The following RABGEF1 variants were observed in gnomAD, a reference collection of about 807,000 sequenced individuals.
RABGEF1 encodes RAB guanine nucleotide exchange factor 1.
In RABGEF1, 26 loss-of-function variants were observed where a neutral mutation model predicts 57.3. The observed-to-expected ratio is 0.45, with a 90% confidence interval of 0.33 to 0.63. The LOEUF (loss-of-function observed/expected upper bound fraction) is 0.63. RABGEF1 is among the 20% of genes least tolerant of loss of function. RABGEF1 has a pLI of 0.02. For synonymous variants in RABGEF1, 185 were observed against 210.7 expected (o/e 0.88, Z 1.06); for missense variants, 464 against 607.6 (o/e 0.76, Z 2.48).
chr7:66,763,501 C>T (rs1255098854), intron 1 of RABGEF1, among the ~76,000 whole-genome samples: 1 of 152,206 alleles, frequency 6.6e-6, no homozygotes, highest in Non-Finnish European at 1.5e-5. Context: ...TCTGTCTCTT[C>T]TGTTTTTTAA....
intron 4 of RABGEF1, among the ~76,000 whole-genome samples, chr7:66,789,076 G>A (rs1811930486): frequency 6.6e-6 from 1 of 152,168 alleles, no homozygotes; most frequent in Non-Finnish European, 1.5e-5. Flanking sequence ...TCAGTCCCAT[G>A]TTCTTTCCCA....
chr7:66,705,463 G>T (rs1793907619), intron 1 of RABGEF1, among the ~76,000 whole-genome samples: 1 of 140,442 alleles, frequency 7.1e-6, no homozygotes, highest in African/African-American at 2.6e-5. Context: ...GAGAGAGAGA[G>T]AGAGAGAGAG....
upstream of RABGEF1, among the ~76,000 whole-genome samples, chr7:66,736,110 AC>A (rs1182264609): frequency 6.6e-6 from 1 of 152,182 alleles, no homozygotes; most frequent in Non-Finnish European, 1.5e-5. Context: ...AAAAAACAAG[AC>A]AAAAAACAAA....
the RABGEF1 span, among the ~76,000 whole-genome samples, chr7:66,659,859 CA>C: frequency 6.6e-6 from 1 of 151,202 alleles, no homozygotes; most frequent in Non-Finnish European, 1.5e-5. Flanking sequence ...AAAGGACCTA[CA>C]AAAAGAAGAA....
chr7:66,762,520 G>A (rs2129087855), intron 1 of RABGEF1, among the ~76,000 whole-genome samples: 1 of 152,166 alleles, frequency 6.6e-6, no homozygotes, highest in African/African-American at 2.4e-5. Context: ...AGCCTGGGGA[G>A]GTCGAGTGTT....
intron 1 of RABGEF1, among the ~76,000 whole-genome samples, chr7:66,749,849 C>T (rs1801025091): frequency 6.6e-6 from 1 of 152,126 alleles, no homozygotes; most frequent in African/African-American, 2.4e-5. Context: ...TGGTGGGCGC[C>T]TGTAGTCCCA....
chr7:66,715,123 CCTTTCTT>C (rs1445958038), intron 2 of RABGEF1, among the ~76,000 whole-genome samples: 2 of 151,588 alleles, frequency 1.3e-5, no homozygotes, highest in South Asian at 2.1e-4. Context: ...TCCTCCTCTT[CCTTTCTT>C]CTTTCTTCTT....
At position 66,793,693 on chromosome 7, in the gene RABGEF1, G is replaced by A. The variant is rs186764895; in HGVS notation, c.514-1818G>A. Among the ~76,000 whole-genome samples the A allele has an allele frequency of 1.6e-4, 19 of 117,984 alleles. 1 individual carries two copies. The highest frequency in any genetic ancestry group is 4.2e-4 in the Admixed American group (5 of 11,874). 77.4% of individuals were successfully genotyped at this position (117,984 alleles called of 152,430 possible). The stretch of plus-strand genomic sequence containing the variant: ...CACTGCAGTGTGTGCATGTATATGG[G>A]TAACTAGTTGACAGTAACAAGGGCT... On this transcript the variant is annotated intron_variant, in intron 4 of 8. Transcript: ENST00000284957.
intron 1 of RABGEF1, among the ~76,000 whole-genome samples, chr7:66,711,242 A>G (rs1417535418): frequency 6.6e-6 from 1 of 152,206 alleles, no homozygotes; most frequent in Non-Finnish European, 1.5e-5. Flanking sequence ...ATTTTAATGA[A>G]ATCCAATTAA....
At chr7:66,738,472 G>A (rs1455854823), upstream of RABGEF1, among the ~76,000 whole-genome samples, 2 of 151,928 alleles carry the variant, frequency 1.3e-5, no homozygotes, top group South Asian at 2.1e-4. Context: ...GCTCATGCCT[G>A]TAATCCCAGC....
chr7:66,789,835 G>C (rs1437424888), intron 4 of RABGEF1, among the ~76,000 whole-genome samples: 1 of 152,104 alleles, frequency 6.6e-6, no homozygotes, highest in South Asian at 2.1e-4. Context: ...CATGCGTGAG[G>C]CTGGTGCCAT....
intron 1 of RABGEF1, among the ~76,000 whole-genome samples, chr7:66,758,517 C>T (rs2129076837): frequency 6.6e-6 from 1 of 152,322 alleles, no homozygotes; most frequent in East Asian, 1.9e-4. Context: ...CGATGTGTGG[C>T]CCCTCGGAGC....
At chr7:66,722,313 G>A (rs1211282215) in intron 2 of RABGEF1, among the ~76,000 whole-genome samples, 4 of 152,114 alleles carry the variant, frequency 2.6e-5, no homozygotes, top group African/African-American at 4.8e-5. Flanking sequence ...GGTGGTGCGC[G>A]CCTGTAATCC....
In RABGEF1 at chr7:66,809,413, T is replaced by C. The variant is rs868510655; in HGVS notation, c.*129T>C. 2 of 1,041,910 alleles carry C rather than the reference T, an allele frequency of 1.9e-6. No individual in the cohort carries two copies. Among genetic ancestry groups the C allele is most frequent in the Middle Eastern group, 4.6e-4 (2 of 4,310 alleles). The allele number at this position is 1,041,910 out of a possible 1,614,324, so 64.5% of individuals were successfully genotyped here. A position where few individuals can be genotyped will look rare whatever the true frequency, so the allele number is the denominator to read the frequency against. ...CAGCATTTTTTAAAGGTACAGTATA[T>C]GGGGATTGTTTCGTTTTTCCTAGCA... On this transcript the variant is annotated 3_prime_UTR_variant, in exon 9 of 9. Coordinates refer to ENST00000284957, the MANE Select transcript of RABGEF1 (RefSeq NM_014504.3).
intron 1 of RABGEF1, among the ~76,000 whole-genome samples, chr7:66,754,498 C>T (rs1321636582): frequency 6.6e-6 from 1 of 151,972 alleles, no homozygotes; most frequent in Non-Finnish European, 1.5e-5. Context: ...AATCCCAGCA[C>T]TTTGGAAGGC....
At chr7:66,713,093 G>A (rs1157679188) in intron 2 of RABGEF1, among the ~76,000 whole-genome samples, 1 of 151,308 alleles carries the variant, frequency 6.6e-6, no homozygotes, top group Non-Finnish European at 1.5e-5. Flanking sequence ...GGGATTATAG[G>A]CATGAATCAC....
chr7:66,771,672 GTCTT>G (rs1278025065), intron 1 of RABGEF1, among the ~76,000 whole-genome samples: 3 of 151,906 alleles, frequency 2.0e-5, no homozygotes, highest in Non-Finnish European at 2.9e-5. Flanking sequence ...CAGGGAATAA[GTCTT>G]TCTTTAATAT....
intron 1 of RABGEF1, among the ~76,000 whole-genome samples, chr7:66,758,748 A>G (rs1413082371): frequency 1.3e-5 from 2 of 152,034 alleles, no homozygotes; most frequent in Non-Finnish European, 2.9e-5. Flanking sequence ...AAATGATGGC[A>G]CTCTCTTTTG....
intron 1 of RABGEF1, among the ~76,000 whole-genome samples, chr7:66,686,147 G>A (rs557035451): frequency 3.3e-5 from 5 of 152,174 alleles, no homozygotes; most frequent in African/African-American, 1.2e-4. Flanking sequence ...CAGGCATGGT[G>A]GTGTGTGCCT....
Sources: allele counts gnomAD v4.1 joint callset (sites outside exome capture counted in the v4.1 genomes callset), GRCh38; gene constraint gnomAD v4.1.1; transcripts MANE v1.5; gene names NCBI Gene and HGNC (gene_info 2026-07-23, HGNC 2026-07-21).